BTBD8: variants seen among roughly 807,000 people sequenced by gnomAD.
The protein encoded by BTBD8 is BTB domain containing 8.
BTBD8 carries 110 observed loss-of-function variants against 162.9 expected under a neutral mutation model. The ratio of observed to expected loss-of-function variants is 0.68; its 90% confidence interval spans 0.58 to 0.79. The LOEUF is 0.79. Ranked by LOEUF, BTBD8 falls within the 30% of genes least tolerant of loss-of-function variation. The pLI is 0.00. For synonymous variants in BTBD8, 667 were observed against 716.1 expected, an observed-to-expected ratio of 0.93 and a Z score of 1.10; for missense variants, 1,905 against 2,085.4, an observed-to-expected ratio of 0.91 and a Z score of 1.68.
intron 4 of BTBD8, chr1:92,115,717 G>A (rs897755858): frequency 3.8e-6 from 1 of 266,432 alleles, no homozygotes; most frequent in South Asian, 5.2e-5. Flanking sequence ...GATGGTAACA[G>A]CATCTACTTT....
intron 9 of BTBD8, among the ~76,000 whole-genome samples, chr1:92,161,937 T>C (rs527384366): frequency 6.6e-6 from 1 of 152,360 alleles, no homozygotes; most frequent in Admixed American, 6.5e-5. Context: ...ACATATGATG[T>C]ACTGGTGTTT....
At chr1:92,133,954 A>T (rs1443095022) in intron 5 of BTBD8, among the ~76,000 whole-genome samples, 1 of 145,304 alleles carries the variant, frequency 6.9e-6, no homozygotes, top group African/African-American at 2.6e-5. Context: ...TGGGTGACAG[A>T]GTGAGACTCT....
rs1650546863 is a variant in BTBD8 at position 92,171,543 on chromosome 1, T to C, written c.1635+83T>C. 8.8e-6 allele frequency: 8 copies of C among 905,878 alleles called. No homozygotes were observed. The East Asian group carries it at 2.5e-4, about 29-fold the overall frequency. The allele number at this position is 905,878 out of a possible 1,614,324, so 56.1% of individuals were successfully genotyped here. A position where few individuals can be genotyped will look rare whatever the true frequency, so the allele number is the denominator to read the frequency against. On this transcript the variant is annotated intron_variant, in intron 13 of 17. Transcript: ENST00000636805. The stretch of plus-strand genomic sequence containing the variant: ...TATTATTTTATATTTCAGAAAAAGT[T>C]TTAAAAATCTATTCATTAATTGAAG...
intron 2 of BTBD8, among the ~76,000 whole-genome samples, chr1:92,089,664 A>G (rs939385232): frequency 2.0e-5 from 3 of 152,072 alleles, no homozygotes; most frequent in Admixed American, 1.3e-4. Context: ...GAGATAAACA[A>G]ACTTTCTTGG....
rs992134179 is a variant in BTBD8, at chr1:92,129,749, G to C, written c.725G>C (p.Ser242Thr). 6 of 1,613,938 alleles carry C rather than the reference G, an allele frequency of 3.7e-6. No homozygotes were observed. The Admixed American group carries it at 1.0e-4, about 27-fold the overall frequency. ...ATGCTGAGTGGCTGTTGGGCTGAAA[G>C]CTCCCAAGAGTACGTTACTCTTCAA... ...AAMLSGCWAE[S>T]SQEYVTLQGI... Residue 242 changes from serine (S) to threonine (T), a missense_variant, in exon 5 of 18, where the codon AGC (serine) becomes ACC (threonine). Physicochemically the swap from Ser to Thr is moderately conservative, Grantham distance 58 (BLOSUM62 1). This residue lies in a region of BTBD8 where 1,374 missense variants were observed against 1,442.7 expected (regional missense o/e 0.95). Coordinates refer to ENST00000636805, the MANE Select transcript of BTBD8 (RefSeq NM_001376131.1).
chr1:92,162,699 T>G (rs1650295993), intron 9 of BTBD8, among the ~76,000 whole-genome samples: 2 of 152,124 alleles, frequency 1.3e-5, no homozygotes, highest in Non-Finnish European at 1.5e-5. Flanking sequence ...TCTTCCCTAT[T>G]GCACTCTTCC....
intron 4 of BTBD8, among the ~76,000 whole-genome samples, chr1:92,119,089 G>C (rs1197104749): frequency 6.6e-6 from 1 of 151,390 alleles, no homozygotes; most frequent in Non-Finnish European, 1.5e-5. Flanking sequence ...GTTCATTACT[G>C]TACACTACTG....
intron 9 of BTBD8, among the ~76,000 whole-genome samples, chr1:92,155,993 A>G (rs1650152509): frequency 6.6e-6 from 1 of 152,170 alleles, no homozygotes. Context: ...GAGAATGAGC[A>G]TCCTTGTCTT....
chr1:92,172,470 G>C (rs910695827), intron 13 of BTBD8, among the ~76,000 whole-genome samples: 2 of 152,150 alleles, frequency 1.3e-5, no homozygotes, highest in African/African-American at 4.8e-5. Flanking sequence ...CCACCCACAA[G>C]GTTATTTGGT....
intron 1 of BTBD8, among the ~76,000 whole-genome samples, chr1:92,087,001 C>T (rs1252685187): frequency 6.6e-6 from 1 of 152,180 alleles, no homozygotes; most frequent in Non-Finnish European, 1.5e-5. Context: ...GCCTTGGCAT[C>T]ATTGAGACTT....
Position 92,080,540 on chromosome 1 carries a change from T to C in BTBD8, c.-32T>C. On this transcript the variant is annotated 5_prime_UTR_variant, in exon 1 of 18. Coordinates refer to ENST00000636805, the MANE Select transcript of BTBD8 (RefSeq NM_001376131.1). ...GGGCGGGGCAAGTGAGGCCAAGTAC[T>C]GGGCCTCCAGGGCGTCGTACCTCTG... 1.9e-6 allele frequency: 3 copies of C among 1,611,030 alleles called. No homozygotes were observed. The highest frequency in any genetic ancestry group is 2.5e-6 in the Non-Finnish European group (3 of 1,179,138).
intron 5 of BTBD8, among the ~76,000 whole-genome samples, chr1:92,138,064 T>C (rs971688187): frequency 4.6e-5 from 7 of 152,110 alleles, no homozygotes; most frequent in Non-Finnish European, 1.0e-4. Flanking sequence ...AGGCGGTAGG[T>C]AAGACTAGTC....
intron 9 of BTBD8, among the ~76,000 whole-genome samples, chr1:92,166,103 AATATTTGTGAATGTTTTTTTCC>A (rs1043989918): frequency 2.0e-5 from 3 of 152,190 alleles, no homozygotes; most frequent in African/African-American, 7.2e-5. Context: ...CATAGAGATC[AATATTTGTGAATGTTTTTTTCC>A]ATAGTAATGA....
chr1:92,162,109 G>A (rs1013669562), intron 9 of BTBD8, among the ~76,000 whole-genome samples: 5 of 152,148 alleles, frequency 3.3e-5, no homozygotes, highest in Non-Finnish European at 7.4e-5. Context: ...TATTGGCAGC[G>A]TTTTGGATAC....
Position 92,121,266 on chromosome 1 carries a change from C to T in BTBD8, c.663-8421C>T, listed in dbSNP as rs552977319. 2.0e-5 allele frequency among the ~76,000 whole-genome samples: 3 copies of T among 152,222 alleles called. No homozygotes were observed. In the East Asian group the frequency reaches 5.8e-4, roughly 29 times the overall value. On this transcript the variant is annotated intron_variant, in intron 4 of 17. Transcript: ENST00000636805. ...TTGTGATGTTTTATTCATTCTATTT[C>T]GTGCTGAATTCAGTTTGCTAATATT...
Position 92,181,162 on chromosome 1 carries a change from C to T in BTBD8, c.3479C>T (p.Ala1160Val), listed in dbSNP as rs1200040749. The T allele has an allele frequency of 1.3e-6, 2 of 1,551,502 alleles. No individual in the cohort carries two copies. The highest frequency in any genetic ancestry group is 1.7e-6 in the Non-Finnish European group (2 of 1,146,984). ...PERTNGTLNS[A>V]QEDKKSKVPV... ...AGGACAAATGGTACCTTAAATTCTGCTCAAGAAGACAAAAAATCGAAAGTT... is the reference window on the plus strand; with the variant it reads ...AGGACAAATGGTACCTTAAATTCTGTTCAAGAAGACAAAAAATCGAAAGTT... Residue 1160 changes from alanine to valine, a missense_variant, in exon 17 of 18, where the codon GCT (alanine) becomes GTT (valine). Transcript: ENST00000636805.
At chr1:92,151,910 T>C (rs1229140988) in intron 9 of BTBD8, among the ~76,000 whole-genome samples, 1 of 152,192 alleles carries the variant, frequency 6.6e-6, no homozygotes, top group Non-Finnish European at 1.5e-5. Context: ...TATTACATGG[T>C]GTATATGTAC....
chr1:92,120,719 T>A (rs1649186595), intron 4 of BTBD8, among the ~76,000 whole-genome samples: 1 of 152,222 alleles, frequency 6.6e-6, no homozygotes, highest in South Asian at 2.1e-4. Flanking sequence ...ACCATCTTCA[T>A]ATGTGAGTGG....
chr1:92,170,930 A>G (rs1001977668), intron 12 of BTBD8, among the ~76,000 whole-genome samples: 24 of 151,830 alleles, frequency 1.6e-4, no homozygotes, highest in African/African-American at 5.8e-4. Flanking sequence ...CTCCTTCCTC[A>G]TTATATATCT....
Sources: gnomAD v4.1 joint callset for allele counts (sites outside exome capture counted in the v4.1 genomes callset) on GRCh38, gnomAD v4.1.1 for gene constraint, gnomAD v4.1.1 regional missense constraint, MANE v1.5 for transcripts, NCBI Gene and HGNC (gene_info 2026-07-23, HGNC 2026-07-21) for gene names.